THSD4: variants seen among roughly 807,000 people sequenced by gnomAD.
THSD4 encodes thrombospondin type 1 domain containing 4, also known as thrombospondin type-1 domain-containing protein 4.
A neutral mutation model predicts 119.0 loss-of-function variants in THSD4; 69 were observed. The ratio of observed to expected loss-of-function variants is 0.58; its 90% CI spans 0.48 to 0.71. THSD4 has a LOEUF of 0.71. THSD4 is among the 30% of genes least tolerant of loss of function. The pLI, the probability that THSD4 is intolerant of heterozygous loss-of-function variation, is 0.00. For missense variants in THSD4, 1,393 were observed against 1,391.1 expected (o/e 1.00, Z -0.02); for synonymous variants, 524 against 540.4 (o/e 0.97, Z 0.42).
intron 6 of THSD4, among the ~76,000 whole-genome samples, chr15:71,323,343 G>T (rs1354877805): frequency 6.6e-6 from 1 of 152,200 alleles, no homozygotes; most frequent in Admixed American, 6.5e-5. Flanking sequence ...ATGTTCGCCT[G>T]TGTCCAGCCT....
At chr15:71,511,140 C>T (rs1469676197) in intron 7 of THSD4, among the ~76,000 whole-genome samples, 1 of 150,218 alleles carries the variant, frequency 6.7e-6, no homozygotes, top group Non-Finnish European at 1.5e-5. Flanking sequence ...ATGGAAAGGG[C>T]ACCAAATAAT....
At chr15:71,313,916 C>T (rs1185593820) in intron 6 of THSD4, among the ~76,000 whole-genome samples, 1 of 152,174 alleles carries the variant, frequency 6.6e-6, no homozygotes. Flanking sequence ...TGGGCTCCTA[C>T]TAACAAAAGC....
chr15:71,487,518 G>A (rs1317740833), intron 7 of THSD4, among the ~76,000 whole-genome samples: 1 of 152,166 alleles, frequency 6.6e-6, no homozygotes, highest in Non-Finnish European at 1.5e-5. Context: ...GCAAGAAACT[G>A]TCAACCAGTG....
chr15:71,316,557 A>G lies in THSD4; in HGVS notation c.1015+59842A>G, dbSNP rs147094514. On this transcript the variant is annotated intron_variant, in intron 6 of 17. Transcript: ENST00000261862. Reference sequence around the variant, plus strand: ...CTAGGTGTCATTTGGCTCCTTAAATATACTACACACCAACCTAGGCCTTAG... The same window carrying G: ...CTAGGTGTCATTTGGCTCCTTAAATGTACTACACACCAACCTAGGCCTTAG... Among the ~76,000 whole-genome samples the G allele has an allele frequency of 1.5e-3, 235 of 152,290 alleles. 1 individual carries two copies. The highest frequency in any genetic ancestry group is 2.1e-3 in the Non-Finnish European group (142 of 68,022).
chr15:71,158,249 G>T (rs2040800571), intron 3 of THSD4, among the ~76,000 whole-genome samples: 1 of 151,032 alleles, frequency 6.6e-6, no homozygotes, highest in African/African-American at 2.4e-5. Context: ...CACCTCCTGG[G>T]CTCAAGTGAT....
intron 6 of THSD4, among the ~76,000 whole-genome samples, chr15:71,280,487 G>A (rs2044638481): frequency 6.6e-6 from 1 of 152,162 alleles, no homozygotes. Flanking sequence ...TTTCAAATAT[G>A]TTCTGAAATG....
intron 8 of THSD4, among the ~76,000 whole-genome samples, chr15:71,692,309 G>T (rs7164744): frequency 0.98 from 149,308 of 152,330 alleles, 73,242 homozygotes; most frequent in East Asian, 1. Context: ...GAGGTCATCT[G>T]GCTGGAACTA....
At chr15:71,539,441 G>T (rs1423923301) in intron 7 of THSD4, among the ~76,000 whole-genome samples, 1 of 152,170 alleles carries the variant, frequency 6.6e-6, no homozygotes, top group Non-Finnish European at 1.5e-5. Context: ...CCTTCATAAA[G>T]AATACACATT....
At chr15:71,219,483 C>T (rs998880409) in intron 4 of THSD4, among the ~76,000 whole-genome samples, 1 of 152,216 alleles carries the variant, frequency 6.6e-6, no homozygotes, top group Non-Finnish European at 1.5e-5. Flanking sequence ...CACCATCTCC[C>T]ATGCCTAATG....
At chr15:71,762,310 G>A (rs1444451075) in intron 15 of THSD4, among the ~76,000 whole-genome samples, 2 of 152,148 alleles carry the variant, frequency 1.3e-5, no homozygotes, top group Non-Finnish European at 2.9e-5. Flanking sequence ...ATCTCTTCAA[G>A]GACTTGCCAA....
chr15:71,450,438 G>C (rs1260849616), intron 7 of THSD4, among the ~76,000 whole-genome samples: 1 of 152,184 alleles, frequency 6.6e-6, no homozygotes, highest in Non-Finnish European at 1.5e-5. Context: ...AAGACACTTT[G>C]GGTTTGGGCT....
intron 7 of THSD4, among the ~76,000 whole-genome samples, chr15:71,486,284 C>G (rs11072288): frequency 0.95 from 145,035 of 152,204 alleles, 69,542 homozygotes; most frequent in South Asian, 1. Context: ...GCTGTAGTTT[C>G]TCCCCCTTTG....
chr15:71,462,730 C>G (rs1001538614), intron 7 of THSD4, among the ~76,000 whole-genome samples: 2 of 152,236 alleles, frequency 1.3e-5, no homozygotes, highest in African/African-American at 4.8e-5. Flanking sequence ...TTAGTTTCTT[C>G]CAGGCTAAAC....
At chr15:71,104,577 A>G (rs2040266483) in intron 1 of THSD4, among the ~76,000 whole-genome samples, 1 of 152,202 alleles carries the variant, frequency 6.6e-6, no homozygotes, top group Admixed American at 6.5e-5. Flanking sequence ...GGCCTAGAGA[A>G]CACAGTCTCA....
chr15:71,500,225 T>A (rs1218577643), intron 7 of THSD4, among the ~76,000 whole-genome samples: 1 of 152,194 alleles, frequency 6.6e-6, no homozygotes, highest in Non-Finnish European at 1.5e-5. Context: ...TGTATTTCCT[T>A]GATAATTAAT....
chr15:71,733,230 G>A (rs2141138972), intron 10 of THSD4: 1 of 152,370 alleles, frequency 6.6e-6, no homozygotes, highest in East Asian at 1.9e-4. Flanking sequence ...TAAAAAGTTG[G>A]TAAGCAGGGG....
intron 8 of THSD4, 46 bp from the exon 9 acceptor site, chr15:71,728,503 G>T: frequency 6.3e-7 from 1 of 1,599,488 alleles, no homozygotes; most frequent in Non-Finnish European, 8.5e-7. Flanking sequence ...TGTTTCTTGT[G>T]CACACCCTGG....
At chr15:71,427,073 T>A (rs983458961) in intron 7 of THSD4, among the ~76,000 whole-genome samples, 6 of 152,212 alleles carry the variant, frequency 3.9e-5, no homozygotes, top group Non-Finnish European at 8.8e-5. Context: ...TTTATTTTGT[T>A]ACATGTAGTT....
intron 7 of THSD4, among the ~76,000 whole-genome samples, chr15:71,574,848 A>G (rs1364684867): frequency 1.3e-5 from 2 of 152,178 alleles, no homozygotes; most frequent in Non-Finnish European, 2.9e-5. Context: ...GTAATCTACC[A>G]TAGCGATTGC....
Sources: gnomAD v4.1 joint callset for allele counts (sites outside exome capture counted in the v4.1 genomes callset) on GRCh38, gnomAD v4.1.1 for gene constraint, MANE v1.5 for transcripts, NCBI Gene and HGNC (gene_info 2026-07-23, HGNC 2026-07-21) for gene names.